C6: variants seen among roughly 807,000 people sequenced by gnomAD.
The protein encoded by C6 is complement C6, also known as complement component C6.
In C6, 101 loss-of-function variants were observed where a neutral mutation model predicts 112.9. That is an observed-to-expected ratio of 0.89 (90% CI 0.76 to 1.06). The LOEUF (loss-of-function observed/expected upper bound fraction) is 1.06, where lower values mean the gene tolerates loss of function less well. Ranked by LOEUF, C6 falls within the 50% of genes least tolerant of loss-of-function variation. C6 has a pLI of 0.00. For missense variants in C6, 1,202 were observed against 1,104.6 expected (o/e 1.09, Z -1.25); for synonymous variants, 431 against 384.1 (o/e 1.12, Z -1.43).
At chr5:41,147,260 T>C (rs1346385022) in intron 17 of C6, among the ~76,000 whole-genome samples, 1 of 152,142 alleles carries the variant, frequency 6.6e-6, no homozygotes, top group Non-Finnish European at 1.5e-5. Context: ...AAAAAATGAA[T>C]AGTAGAGTTT....
chr5:41,181,282 C>T (rs1443563580), intron 7 of C6, 77 bp downstream of exon 7: 3 of 1,310,956 alleles, frequency 2.3e-6, no homozygotes, highest in South Asian at 2.4e-5. Flanking sequence ...CAAAACTCTC[C>T]CCTTCTTATT....
chr5:41,243,419 T>A (rs556348088), intron 1 of C6, among the ~76,000 whole-genome samples: 2 of 152,370 alleles, frequency 1.3e-5, no homozygotes, highest in East Asian at 3.9e-4. Context: ...TGATTTGTTA[T>A]GTTAAAAAAT....
intron 1 of C6, among the ~76,000 whole-genome samples, chr5:41,206,577 A>C (rs1751451746): frequency 6.6e-6 from 1 of 152,248 alleles, no homozygotes. Context: ...TACATGACGC[A>C]TGCACAAGCT....
chr5:41,232,565 T>C (rs143842228), intron 1 of C6, among the ~76,000 whole-genome samples: 31 of 152,256 alleles, frequency 2.0e-4, no homozygotes, highest in African/African-American at 7.5e-4. Flanking sequence ...TCAGAAGTCA[T>C]ACGAGGTTGT....
chr5:41,165,451 T>G (rs1268146365), intron 9 of C6, among the ~76,000 whole-genome samples: 1 of 152,172 alleles, frequency 6.6e-6, no homozygotes, highest in Non-Finnish European at 1.5e-5. Context: ...TAATTTAAAT[T>G]TTTTCATCAT....
intron 9 of C6, among the ~76,000 whole-genome samples, chr5:41,170,681 T>C (rs1181148000): frequency 6.6e-6 from 1 of 152,096 alleles, no homozygotes; most frequent in Non-Finnish European, 1.5e-5. Flanking sequence ...TGTTCTGATA[T>C]CATATTTAAA....
intron 1 of C6, among the ~76,000 whole-genome samples, chr5:41,221,849 C>T (rs988723114): frequency 2.0e-5 from 3 of 151,980 alleles, no homozygotes; most frequent in African/African-American, 4.8e-5. Context: ...AAGTTATTTT[C>T]TTATATTGAG....
chr5:41,226,057 C>G (rs527992474), intron 1 of C6, among the ~76,000 whole-genome samples: 16 of 152,218 alleles, frequency 1.1e-4, no homozygotes, highest in Admixed American at 1.0e-3. Context: ...GACTTCATGT[C>G]TAAAACACCA....
intron 13 of C6, among the ~76,000 whole-genome samples, chr5:41,157,165 G>A (rs1400251892): frequency 6.6e-6 from 1 of 152,218 alleles, no homozygotes; most frequent in East Asian, 1.9e-4. Flanking sequence ...CAGAGACCAG[G>A]CCTTTAGTAA....
intron 1 of C6, among the ~76,000 whole-genome samples, chr5:41,205,973 G>A (rs186176028): frequency 8.5e-5 from 13 of 152,282 alleles, no homozygotes; most frequent in African/African-American, 2.9e-4. Flanking sequence ...CTCCCAGTAC[G>A]GGCCGACTGA....
At chr5:41,166,886 C>T (rs2150287953) in intron 9 of C6, among the ~76,000 whole-genome samples, 1 of 152,188 alleles carries the variant, frequency 6.6e-6, no homozygotes, top group East Asian at 1.9e-4. Flanking sequence ...GCATATTTAA[C>T]ACTTAAGCAA....
At chr5:41,240,910 C>CA (rs1740666457) in intron 1 of C6, among the ~76,000 whole-genome samples, 1 of 152,126 alleles carries the variant, frequency 6.6e-6, no homozygotes, top group Non-Finnish European at 1.5e-5. Flanking sequence ...CTTAGGTCTC[C>CA]AAATTGCGTG....
At chr5:41,171,193 A>G (rs926670321) in intron 9 of C6, among the ~76,000 whole-genome samples, 3 of 152,194 alleles carry the variant, frequency 2.0e-5, no homozygotes, top group African/African-American at 7.2e-5. Flanking sequence ...AGAGACATTC[A>G]GGAGGTAGAA....
At chr5:41,177,903 G>T (rs1481775503) in intron 7 of C6, among the ~76,000 whole-genome samples, 1 of 152,128 alleles carries the variant, frequency 6.6e-6, no homozygotes, top group African/African-American at 2.4e-5. Context: ...CTTGAATTTT[G>T]TCAGAGAACC....
In C6 at chr5:41,154,001, G is replaced by C. The variant is rs1445995564; in HGVS notation, c.2102-3C>G. 6.2e-7 allele frequency: 1 copy of C among 1,612,906 alleles called. No homozygotes were observed. The highest frequency in any genetic ancestry group is 2.2e-5 in the East Asian group (1 of 44,804). ...AACTGGCTTGATGCACTCCGTCCCTGCAAGAGAGCAACATTTCATATGTGT... is the reference window on the plus strand; with the variant it reads ...AACTGGCTTGATGCACTCCGTCCCTCCAAGAGAGCAACATTTCATATGTGT... On this transcript the variant is annotated splice_polypyrimidine_tract_variant and splice_region_variant and intron_variant, in intron 14 of 17. Transcript: ENST00000337836.
rs1315352031 is a variant in C6 at position 41,142,366 on chromosome 5, C to T, written c.*459G>A. 2 of 190,572 alleles carry T rather than the reference C, an allele frequency of 1.0e-5. No homozygotes were observed. The highest frequency in any genetic ancestry group is 5.3e-5 in the Admixed American group (1 of 18,928). The allele number at this position is 190,572 out of a possible 1,614,324, so 11.8% of individuals were successfully genotyped here. A position where few individuals can be genotyped will look rare whatever the true frequency, so the allele number is the denominator to read the frequency against. ...CAGGACTTTGGTCAGTACTTGACAT[C>T]CTGTATACACACTCAGAAATTATTT... On this transcript the variant is annotated 3_prime_UTR_variant, in exon 18 of 18. Coordinates refer to ENST00000337836, the MANE Select transcript of C6 (RefSeq NM_000065.5).
intron 9 of C6, 55 bp from the exon 10 acceptor site, chr5:41,161,914 T>G (rs1202964243): frequency 4.5e-6 from 7 of 1,567,272 alleles, no homozygotes; most frequent in Non-Finnish European, 6.1e-6. Flanking sequence ...ATTCCTATTC[T>G]AAAACAAACA....
intron 1 of C6, among the ~76,000 whole-genome samples, chr5:41,248,621 A>T (rs1263244388): frequency 6.6e-6 from 1 of 152,246 alleles, no homozygotes; most frequent in African/African-American, 2.4e-5. Context: ...AACCACAATG[A>T]GATACCATCT....
chr5:41,218,373 C>T (rs150179493), upstream of C6, among the ~76,000 whole-genome samples: 1 of 151,734 alleles, frequency 6.6e-6, no homozygotes, highest in African/African-American at 2.4e-5. Context: ...GTTCTAGGCA[C>T]TTGAACAGTA....
Sources: allele counts gnomAD v4.1 joint callset (sites outside exome capture counted in the v4.1 genomes callset), GRCh38; gene constraint gnomAD v4.1.1; transcripts MANE v1.5; gene names NCBI Gene and HGNC (gene_info 2026-07-23, HGNC 2026-07-21).